GATAD2A: variants seen among roughly 807,000 people sequenced by gnomAD.
GATAD2A encodes transcriptional repressor p66-alpha.
In GATAD2A, 12 loss-of-function variants were observed where a neutral mutation model predicts 68.5. The ratio of observed to expected loss-of-function variants is 0.18; its 90% confidence interval spans 0.11 to 0.28. The LOEUF is 0.28. Among genes scored for constraint, GATAD2A ranks in the 10% least tolerant of loss-of-function variants. The probability of loss-of-function intolerance (pLI) is 1.00; values close to 1 mark genes in which losing one functional copy is unlikely to be tolerated. For missense variants in GATAD2A, 755 were observed against 868.5 expected, an observed-to-expected ratio of 0.87 and a Z score of 1.64; for synonymous variants, 410 against 375.3, an observed-to-expected ratio of 1.09 and a Z score of -1.07.
At chr19:19,426,004 T>A (rs927162284) in intron 1 of GATAD2A, among the ~76,000 whole-genome samples, 4 of 152,114 alleles carry the variant, frequency 2.6e-5, no homozygotes, top group African/African-American at 4.8e-5. Context: ...TCCAGGCTGG[T>A]CTCGAACTTG....
intron 1 of GATAD2A, among the ~76,000 whole-genome samples, chr19:19,418,392 T>C (rs2051915108): frequency 6.6e-6 from 1 of 152,204 alleles, no homozygotes; most frequent in African/African-American, 2.4e-5. Flanking sequence ...GAATGAAATA[T>C]CCAAGGGACC....
intron 1 of GATAD2A, among the ~76,000 whole-genome samples, chr19:19,392,079 C>CTTTTTTTT (rs753791949): frequency 3.7e-5 from 4 of 107,088 alleles, no homozygotes; most frequent in Admixed American, 1.1e-4. Context: ...AGAGTTTTTC[C>CTTTTTTTT]TTTTTTTTTT....
At chr19:19,472,789 A>G (rs960529943) in intron 2 of GATAD2A, 4 of 152,026 alleles carry the variant, frequency 2.6e-5, no homozygotes, top group Non-Finnish European at 4.4e-5. Flanking sequence ...GAATGGCCAC[A>G]CCTCACTGAG....
rs375454702 is a variant in GATAD2A at position 19,420,446 on chromosome 19, C to T, written c.-7+14427C>T. Among the ~76,000 whole-genome samples the T allele has an allele frequency of 2.1e-3, 311 of 150,854 alleles. 2 individuals carry two copies. Among genetic ancestry groups the T allele is most frequent in the South Asian group, 0.016 (76 of 4,762 alleles). The stretch of plus-strand genomic sequence containing the variant: ...TCCCAGGTTCCCGCCATTCTCCTGC[C>T]TCAGCCTCCCAAGTAGCTGGGACTA... On this transcript the variant is annotated intron_variant, in intron 1 of 11. Transcript: ENST00000683918.
chr19:19,428,260 A>G (rs569868535), intron 1 of GATAD2A, among the ~76,000 whole-genome samples: 1 of 152,346 alleles, frequency 6.6e-6, no homozygotes, highest in Non-Finnish European at 1.5e-5. Flanking sequence ...GTTTCTGGGC[A>G]CTTAAGATCT....
intron 11 of GATAD2A, among the ~76,000 whole-genome samples, chr19:19,505,080 ACCCTC>A (rs1168520396): frequency 6.6e-6 from 1 of 152,018 alleles, no homozygotes; most frequent in African/African-American, 2.4e-5. Flanking sequence ...GTAGCTGCTC[ACCCTC>A]TGATGATTGC....
chr19:19,440,479 C>T (rs1003659306), intron 1 of GATAD2A: 11 of 241,552 alleles, frequency 4.6e-5, no homozygotes, highest in Non-Finnish European at 9.3e-5. Context: ...ACCATGGTCT[C>T]GATCTCCTCA....
chr19:19,451,257 T>A (rs2056359244), intron 1 of GATAD2A, among the ~76,000 whole-genome samples: 1 of 150,760 alleles, frequency 6.6e-6, no homozygotes, highest in Admixed American at 6.6e-5. Context: ...GGTGCGTGCC[T>A]GTAATCCCAG....
At chr19:19,386,443 C>G (rs987492791) in intron 1 of GATAD2A, among the ~76,000 whole-genome samples, 2 of 151,806 alleles carry the variant, frequency 1.3e-5, no homozygotes, top group African/African-American at 4.8e-5. Context: ...GGGACCCCGT[C>G]TCTCCAGGCA....
At chr19:19,456,145 C>G (rs1703810088) in intron 1 of GATAD2A, among the ~76,000 whole-genome samples, 2 of 131,866 alleles carry the variant, frequency 1.5e-5, no homozygotes, top group Admixed American at 1.6e-4. Context: ...CACAGCGAGA[C>G]TCCATCTCAA....
chr19:19,409,549 A>G (rs2916069), intron 1 of GATAD2A, among the ~76,000 whole-genome samples: 66,059 of 152,006 alleles, frequency 0.43, 15,733 homozygotes, highest in African/African-American at 0.63. Flanking sequence ...TTCGGGAGGT[A>G]GCTTTCCACA....
chr19:19,475,160 GCC>G (rs2058588797), intron 2 of GATAD2A, among the ~76,000 whole-genome samples: 1 of 152,238 alleles, frequency 6.6e-6, no homozygotes, highest in Non-Finnish European at 1.5e-5. Context: ...GCTGCTCCCG[GCC>G]CGCCGGCCGG....
At chr19:19,452,544 C>T (rs567340116) in intron 1 of GATAD2A, among the ~76,000 whole-genome samples, 22 of 152,030 alleles carry the variant, frequency 1.4e-4, no homozygotes, top group Admixed American at 1.3e-3. Context: ...TCCAGGGAGC[C>T]CCAGTGTGAG....
chr19:19,465,266 A>G (rs2057779378), intron 1 of GATAD2A, 74 bp from the exon 2 acceptor site: 11 of 1,136,304 alleles, frequency 9.7e-6, no homozygotes, highest in African/African-American at 7.6e-5. Flanking sequence ...TGAAAGCAAC[A>G]CTGAAAAGTC....
At chr19:19,473,932 C>T (rs550293232) in intron 2 of GATAD2A, 17 of 495,568 alleles carry the variant, frequency 3.4e-5, no homozygotes, top group African/African-American at 2.9e-4. Context: ...GGCGACAGAG[C>T]GAGACTCCGT....
At chr19:19,463,515 C>T (rs1294983578) in intron 1 of GATAD2A, among the ~76,000 whole-genome samples, 3 of 140,684 alleles carry the variant, frequency 2.1e-5, no homozygotes, top group East Asian at 2.4e-4. Flanking sequence ...GGAGCGGGGG[C>T]GGGGGTGGAC....
At chr19:19,443,369 G>A (rs1426673585) in intron 1 of GATAD2A, among the ~76,000 whole-genome samples, 1 of 152,174 alleles carries the variant, frequency 6.6e-6, no homozygotes. Context: ...AACCAACAAT[G>A]GGAAACAGGG....
At chr19:19,386,141 G>A (rs2146755498) in intron 1 of GATAD2A, 1 of 152,458 alleles carries the variant, frequency 6.6e-6, no homozygotes, top group South Asian at 2.1e-4. Context: ...CAACTTCGGT[G>A]AGTAAGGGGC....
At chr19:19,460,153 TGGTTTGACTCTTAGGAAGTG>T (rs998957275) in intron 1 of GATAD2A, among the ~76,000 whole-genome samples, 27 of 152,204 alleles carry the variant, frequency 1.8e-4, no homozygotes, top group African/African-American at 6.5e-4. Flanking sequence ...CAAGGTACCC[TGGTTTGACTCTTAGGAAGTG>T]GGAGAGCCAC....
Sources: gnomAD v4.1 joint callset for allele counts (sites outside exome capture counted in the v4.1 genomes callset) on GRCh38, gnomAD v4.1.1 for gene constraint, MANE v1.5 for transcripts, NCBI Gene and HGNC (gene_info 2026-07-23, HGNC 2026-07-21) for gene names.